Variants in STARD13 observed in about 807,000 individuals in gnomAD.
The protein encoded by STARD13 is StAR related lipid transfer domain containing 13.
In STARD13, 62 loss-of-function variants were observed where a neutral mutation model predicts 106.4. The ratio of observed to expected loss-of-function variants is 0.58; its 90% CI spans 0.48 to 0.72. The LOEUF is 0.72. STARD13 is among the 30% of genes least tolerant of loss of function. STARD13 has a pLI of 0.00. For missense variants in STARD13, 1,387 were observed against 1,424.0 expected (o/e 0.97, Z 0.42); for synonymous variants, 565 against 553.0 (o/e 1.02, Z -0.31).
chr13:33,281,616 G>T (rs1891788596), intron 1 of STARD13: 1 of 152,080 alleles, frequency 6.6e-6, no homozygotes, highest in Admixed American at 6.5e-5. Context: ...ATGTAGTATA[G>T]ATATACAATG....
intron 1 of STARD13, among the ~76,000 whole-genome samples, chr13:33,320,378 G>A (rs543329128): frequency 6.6e-6 from 1 of 152,238 alleles, no homozygotes; most frequent in Admixed American, 6.5e-5. Flanking sequence ...GGCATTGCAG[G>A]GTCTCTAGGA....
chr13:33,475,696 G>T, the STARD13 span, among the ~76,000 whole-genome samples: 1 of 152,096 alleles, frequency 6.6e-6, no homozygotes, highest in African/African-American at 2.4e-5. Context: ...TGGTGGTCAC[G>T]CCTGTAATCC....
chr13:33,341,165 T>C (rs1283538229), intron 1 of STARD13, among the ~76,000 whole-genome samples: 2 of 152,372 alleles, frequency 1.3e-5, no homozygotes, highest in African/African-American at 4.8e-5. Flanking sequence ...TACTGTTGGA[T>C]AAACCCCTAG....
At chr13:33,140,428 G>T (rs952393325) in intron 4 of STARD13, among the ~76,000 whole-genome samples, 4 of 152,200 alleles carry the variant, frequency 2.6e-5, no homozygotes, top group Non-Finnish European at 2.9e-5. Context: ...TTCTCAAGGG[G>T]TCTATTCAGT....
rs755446724 is a variant in STARD13, at chr13:33,110,742, ACTT to A, written c.2770_2772del (p.Lys924del). 37 of 1,614,044 alleles carry A rather than the reference ACTT, an allele frequency of 2.3e-5. No homozygotes were observed. The Admixed American group carries it at 6.2e-4, about 27-fold the overall frequency. On this transcript the variant is annotated inframe_deletion, in exon 11 of 14. Transcript: ENST00000336934. ...CTGGAGCACGTGACCCATCCTTTGAACTTCTCCTTGGCTTCTTTCTGGAGGCCC... is the reference window on the plus strand; with the variant it reads ...CTGGAGCACGTGACCCATCCTTTGAACTCCTTGGCTTCTTTCTGGAGGCCC...
At chr13:33,267,347 G>A (rs1184079063) in intron 1 of STARD13, among the ~76,000 whole-genome samples, 1 of 152,122 alleles carries the variant, frequency 6.6e-6, no homozygotes, top group Admixed American at 6.6e-5. Flanking sequence ...CTGACCAAGG[G>A]ATAGAAGCTG....
At chr13:33,371,173 A>C in the STARD13 span, among the ~76,000 whole-genome samples, 1 of 152,102 alleles carries the variant, frequency 6.6e-6, no homozygotes, top group Non-Finnish European at 1.5e-5. Context: ...AGTCTTGTCT[A>C]CTCTCACCCT....
the STARD13 span, among the ~76,000 whole-genome samples, chr13:33,413,824 G>A: frequency 6.6e-6 from 1 of 152,054 alleles, no homozygotes; most frequent in Non-Finnish European, 1.5e-5. Flanking sequence ...CTGAGGACAG[G>A]AGTTCAAGAC....
the STARD13 span, among the ~76,000 whole-genome samples, chr13:33,427,315 T>A: frequency 6.6e-6 from 1 of 152,194 alleles, no homozygotes; most frequent in Non-Finnish European, 1.5e-5. Context: ...AAAAAGAATG[T>A]TATTCAGTTT....
chr13:33,654,973 G>GT, the STARD13 span: 1 of 152,198 alleles, frequency 6.6e-6, no homozygotes, highest in South Asian at 2.1e-4. Flanking sequence ...TCTCTTTTGA[G>GT]TTTTTTCAGT....
At chr13:33,318,303 C>T (rs1208616942) in intron 1 of STARD13, among the ~76,000 whole-genome samples, 1 of 152,124 alleles carries the variant, frequency 6.6e-6, no homozygotes, top group African/African-American at 2.4e-5. Flanking sequence ...ATGAATGTGT[C>T]AACAGGATAC....
the STARD13 span, among the ~76,000 whole-genome samples, chr13:33,384,148 G>T: frequency 4.6e-5 from 7 of 152,214 alleles, no homozygotes; most frequent in Non-Finnish European, 1.0e-4. Flanking sequence ...ACAGTGTCTT[G>T]TACAATGAGG....
the STARD13 span, among the ~76,000 whole-genome samples, chr13:33,664,919 C>A: frequency 6.6e-6 from 1 of 152,242 alleles, no homozygotes; most frequent in Non-Finnish European, 1.5e-5. Flanking sequence ...AGCCACTACG[C>A]CCGGCCAAAA....
At chr13:33,630,795 T>G in the STARD13 span, among the ~76,000 whole-genome samples, 2 of 152,082 alleles carry the variant, frequency 1.3e-5, no homozygotes, top group African/African-American at 4.8e-5. Context: ...AGTCCCACCA[T>G]CCTAATCCTC....
chr13:33,236,226 G>A (rs1889181923), intron 1 of STARD13, among the ~76,000 whole-genome samples: 1 of 152,174 alleles, frequency 6.6e-6, no homozygotes, highest in African/African-American at 2.4e-5. Flanking sequence ...CCTTTCAGAA[G>A]ACAGAATTTA....
chr13:33,287,524 A>C (rs1892115888), upstream of STARD13, among the ~76,000 whole-genome samples: 1 of 152,210 alleles, frequency 6.6e-6, no homozygotes, highest in Admixed American at 6.5e-5. Context: ...GGATTTGAGC[A>C]GCAGTTTTTC....
chr13:33,633,083 T>A, the STARD13 span, among the ~76,000 whole-genome samples: 1 of 152,216 alleles, frequency 6.6e-6, no homozygotes, highest in African/African-American at 2.4e-5. Flanking sequence ...GAGGGGTATG[T>A]TGTAAATAAC....
the STARD13 span, among the ~76,000 whole-genome samples, chr13:33,488,258 C>T: frequency 5.9e-5 from 9 of 152,284 alleles, no homozygotes; most frequent in Non-Finnish European, 1.2e-4. Flanking sequence ...GGAGCTGCAT[C>T]CAGAGGGCCA....
chr13:33,456,001 A>G, the STARD13 span, among the ~76,000 whole-genome samples: 1 of 152,148 alleles, frequency 6.6e-6, no homozygotes, highest in Non-Finnish European at 1.5e-5. Flanking sequence ...AACGAATAAT[A>G]TTTCATGACA....
Sources: allele counts gnomAD v4.1 joint callset (sites outside exome capture counted in the v4.1 genomes callset), GRCh38; gene constraint gnomAD v4.1.1; transcripts MANE v1.5; gene names NCBI Gene and HGNC (gene_info 2026-07-23, HGNC 2026-07-21).